SAMSN1: variants seen among roughly 807,000 people sequenced by gnomAD.
SAMSN1 encodes the protein SAM domain-containing protein SAMSN-1.
A neutral mutation model predicts 42.0 loss-of-function variants in SAMSN1; 31 were observed. The ratio of observed to expected loss-of-function variants is 0.74; its 90% CI spans 0.55 to 1.00. SAMSN1 has a LOEUF of 1.00. SAMSN1 is among the 50% of genes least tolerant of loss of function. The pLI is 0.00. For synonymous variants in SAMSN1, 178 were observed against 151.9 expected (o/e 1.17, Z -1.26); for missense variants, 464 against 439.4 (o/e 1.06, Z -0.50).
In SAMSN1 at chr21:14,658,623, A is replaced by C. The variant is rs1472208395; in HGVS notation, c.24+125T>G. 5 of 621,788 alleles carry C rather than the reference A, an allele frequency of 8.0e-6. No individual in the cohort carries two copies. The East Asian group carries it at 1.4e-4, about 17-fold the overall frequency. The allele number at this position is 621,788 out of a possible 1,614,324, so 38.5% of individuals were successfully genotyped here. A position where few individuals can be genotyped will look rare whatever the true frequency, so the allele number is the denominator to read the frequency against. On this transcript the variant is annotated intron_variant, in intron 1 of 15. Coordinates refer to the SAMSN1 transcript ENST00000647101. The stretch of plus-strand genomic sequence containing the variant: ...TTTCTCACTGTTCTTTGTGATGTGA[A>C]CTTTCTGAGATGCTAAGTGTATGAA...
intron 4 of SAMSN1, among the ~76,000 whole-genome samples, chr21:14,611,092 AT>A (rs11459704): frequency 0.012 from 1,687 of 145,044 alleles, 19 homozygotes; most frequent in African/African-American, 0.032. Context: ...GGATAGGCAC[AT>A]TTTTTTTTTT....
At chr21:14,497,223 A>G (rs1177438767) in intron 7 of SAMSN1, among the ~76,000 whole-genome samples, 1 of 152,232 alleles carries the variant, frequency 6.6e-6, no homozygotes, top group Non-Finnish European at 1.5e-5. Flanking sequence ...AGTACTCAAG[A>G]GAATAATCAG....
chr21:14,615,613 A>G (rs1160528575), intron 3 of SAMSN1, among the ~76,000 whole-genome samples: 1 of 151,964 alleles, frequency 6.6e-6, no homozygotes, highest in Non-Finnish European at 1.5e-5. Flanking sequence ...ATAACCTGAA[A>G]CTCTTTGCAA....
At chr21:14,650,099 C>T (rs1983806360) in intron 1 of SAMSN1, among the ~76,000 whole-genome samples, 1 of 152,056 alleles carries the variant, frequency 6.6e-6, no homozygotes, top group African/African-American at 2.4e-5. Flanking sequence ...TAGCTAGAGA[C>T]TTTAACATCC....
At chr21:14,519,441 T>A (rs527267731) in intron 2 of SAMSN1, among the ~76,000 whole-genome samples, 6 of 152,150 alleles carry the variant, frequency 3.9e-5, no homozygotes, top group African/African-American at 1.4e-4. Flanking sequence ...AATTAAAAAT[T>A]TATACAAAAT....
chr21:14,609,987 C>T (rs569620889), intron 4 of SAMSN1, among the ~76,000 whole-genome samples: 1 of 152,242 alleles, frequency 6.6e-6, no homozygotes, highest in South Asian at 2.1e-4. Flanking sequence ...TGTATGTCGC[C>T]TCAGAACCCT....
At chr21:14,609,907 A>C (rs1282345718) in intron 4 of SAMSN1, among the ~76,000 whole-genome samples, 1 of 152,166 alleles carries the variant, frequency 6.6e-6, no homozygotes, top group Non-Finnish European at 1.5e-5. Flanking sequence ...TCCCCAATCA[A>C]TATTCTTGTG....
At chr21:14,583,008 G>A (rs1223951569) in intron 1 of SAMSN1, among the ~76,000 whole-genome samples, 1 of 152,098 alleles carries the variant, frequency 6.6e-6, no homozygotes, top group South Asian at 2.1e-4. Flanking sequence ...TGGATGCAGT[G>A]TGTCTCACAG....
chr21:14,549,278 C>T (rs748437465), upstream of SAMSN1, among the ~76,000 whole-genome samples: 3 of 152,152 alleles, frequency 2.0e-5, no homozygotes, highest in Non-Finnish European at 4.4e-5. Flanking sequence ...TCTCCATCTA[C>T]ATCTCTCTGC....
chr21:14,620,696 T>C (rs1452311649), intron 2 of SAMSN1, among the ~76,000 whole-genome samples: 1 of 152,234 alleles, frequency 6.6e-6, no homozygotes, highest in South Asian at 2.1e-4. Context: ...GAATTCCATT[T>C]TTTTAGCTTT....
chr21:14,658,790 C>G (rs763212013), exon 1 of SAMSN1: 5 of 715,314 alleles, frequency 7.0e-6, no homozygotes, highest in Admixed American at 2.0e-5. Context: ...GCTTCACTCT[C>G]TTGTTGCCCT....
At chr21:14,486,335 A>T (rs1415753659) in intron 7 of SAMSN1, among the ~76,000 whole-genome samples, 1 of 152,158 alleles carries the variant, frequency 6.6e-6, no homozygotes. Context: ...TTTGCCCTTC[A>T]TTGTTCATTT....
At chr21:14,636,132 T>C (rs1385205787) in intron 2 of SAMSN1, among the ~76,000 whole-genome samples, 1 of 152,154 alleles carries the variant, frequency 6.6e-6, no homozygotes, top group Admixed American at 6.5e-5. Flanking sequence ...GTCAGAGAAA[T>C]TCAATCACAT....
At position 14,524,686 on chromosome 21, in the gene SAMSN1, A is replaced by G. The variant is rs1978720828; in HGVS notation, c.58-3465T>C. On this transcript the variant is annotated intron_variant, in intron 1 of 7. Transcript: ENST00000400566. ...TCACTGTAGCACTTTTATATTATCA[A>G]AAAGCTGTAAAGCCTAATGTTCATC... Among the ~76,000 whole-genome samples the G allele has an allele frequency of 2.0e-5, 3 of 152,204 alleles. No homozygotes were observed. In the South Asian group the frequency reaches 6.2e-4, roughly 31 times the overall value.
chr21:14,607,538 C>T (rs1196545405), intron 5 of SAMSN1, among the ~76,000 whole-genome samples: 1 of 152,206 alleles, frequency 6.6e-6, no homozygotes, highest in Non-Finnish European at 1.5e-5. Context: ...TTCTTGGACA[C>T]ACACATGCAC....
intron 7 of SAMSN1, among the ~76,000 whole-genome samples, chr21:14,493,845 A>G (rs535299924): frequency 6.6e-6 from 1 of 152,176 alleles, no homozygotes; most frequent in Non-Finnish European, 1.5e-5. Flanking sequence ...AATGCAACAC[A>G]GGAGCAAATT....
intron 1 of SAMSN1, among the ~76,000 whole-genome samples, chr21:14,536,774 C>T (rs975404789): frequency 3.9e-5 from 6 of 152,170 alleles, no homozygotes; most frequent in Admixed American, 2.6e-4. Flanking sequence ...GCCATTTCTC[C>T]TTGGCATGCA....
intron 1 of SAMSN1, among the ~76,000 whole-genome samples, chr21:14,545,875 C>T (rs1427685497): frequency 6.6e-6 from 1 of 152,124 alleles, no homozygotes; most frequent in Non-Finnish European, 1.5e-5. Flanking sequence ...ATCTCATAGT[C>T]ATTAAAAACA....
At chr21:14,500,998 A>AT (rs1369409909) in intron 5 of SAMSN1, among the ~76,000 whole-genome samples, 1 of 152,146 alleles carries the variant, frequency 6.6e-6, no homozygotes, top group Non-Finnish European at 1.5e-5. Flanking sequence ...ACAAAGTGAG[A>AT]TCCCATCTCT....
Sources: allele counts gnomAD v4.1 joint callset (sites outside exome capture counted in the v4.1 genomes callset), GRCh38; gene constraint gnomAD v4.1.1; transcripts MANE v1.5; gene names NCBI Gene and HGNC (gene_info 2026-07-23, HGNC 2026-07-21).